The following NRG3 variants were observed in gnomAD, a reference collection of about 807,000 sequenced individuals.
The protein encoded by NRG3 is pro-neuregulin-3, membrane-bound isoform.
In NRG3, 31 loss-of-function variants were observed where a neutral mutation model predicts 66.9. That is an observed-to-expected ratio of 0.46 (90% CI 0.35 to 0.63). The LOEUF (loss-of-function observed/expected upper bound fraction) is 0.63. NRG3 is among the 20% of genes least tolerant of loss of function. NRG3 has a pLI of 0.00. For missense variants in NRG3, 910 were observed against 878.9 expected (o/e 1.04, Z -0.45); for synonymous variants, 393 against 359.4 (o/e 1.09, Z -1.06).
chr10:82,951,601 G>A (rs752844617), intron 5 of NRG3, 30 bp downstream of exon 5: 3 of 1,581,436 alleles, frequency 1.9e-6, no homozygotes, highest in South Asian at 1.1e-5. Flanking sequence ...GTGTTTAAAG[G>A]TTACTTTTAG....
At chr10:82,747,839 A>T (rs938293059) in intron 3 of NRG3, among the ~76,000 whole-genome samples, 1 of 151,844 alleles carries the variant, frequency 6.6e-6, no homozygotes, top group African/African-American at 2.4e-5. Context: ...GGTATTTTTT[A>T]AAAAGTAGTT....
chr10:82,747,066 T>C (rs2058676758), intron 3 of NRG3, among the ~76,000 whole-genome samples: 1 of 152,032 alleles, frequency 6.6e-6, no homozygotes, highest in Non-Finnish European at 1.5e-5. Context: ...CTGGGTGATG[T>C]AGTGAGACCT....
chr10:82,422,463 G>A (rs575360931), intron 2 of NRG3, among the ~76,000 whole-genome samples: 15 of 151,880 alleles, frequency 9.9e-5, no homozygotes, highest in Non-Finnish European at 2.2e-4. Context: ...CTTTATAATT[G>A]TAGTATCCTT....
At chr10:82,257,206 A>G (rs1208365622) in intron 1 of NRG3, among the ~76,000 whole-genome samples, 2 of 152,202 alleles carry the variant, frequency 1.3e-5, no homozygotes, top group African/African-American at 2.4e-5. Flanking sequence ...TCCAAAAACA[A>G]TTGCGTACCT....
At chr10:82,643,923 C>T (rs956257622) in intron 2 of NRG3, among the ~76,000 whole-genome samples, 6 of 144,760 alleles carry the variant, frequency 4.1e-5, no homozygotes, top group Non-Finnish European at 6.1e-5. Flanking sequence ...CACACACACA[C>T]GAGAATTTCC....
intron 4 of NRG3, among the ~76,000 whole-genome samples, chr10:82,891,206 T>C (rs911758046): frequency 2.8e-4 from 42 of 151,732 alleles, no homozygotes; most frequent in African/African-American, 9.9e-4. Context: ...GTTAAATCTA[T>C]AGATGAGTTT....
At chr10:82,822,961 G>T (rs548255238) in intron 3 of NRG3, among the ~76,000 whole-genome samples, 1 of 152,140 alleles carries the variant, frequency 6.6e-6, no homozygotes, top group Non-Finnish European at 1.5e-5. Flanking sequence ...GGCTGACTGC[G>T]GCTAACTAGG....
intron 4 of NRG3, among the ~76,000 whole-genome samples, chr10:82,915,308 G>A (rs1487590385): frequency 6.6e-6 from 1 of 152,122 alleles, no homozygotes. Flanking sequence ...CTTTTTGGGA[G>A]GATAACAGCA....
chr10:82,374,956 G>A (rs544205531), intron 2 of NRG3, among the ~76,000 whole-genome samples: 5 of 152,256 alleles, frequency 3.3e-5, no homozygotes, highest in South Asian at 2.1e-4. Flanking sequence ...GGGCACCTGC[G>A]ACACAACTTC....
At chr10:82,541,591 T>C (rs1238811406) in intron 2 of NRG3, among the ~76,000 whole-genome samples, 4 of 152,204 alleles carry the variant, frequency 2.6e-5, no homozygotes, top group Non-Finnish European at 5.9e-5. Context: ...TTCCATACAA[T>C]GTCTGGAATC....
intron 1 of NRG3, among the ~76,000 whole-genome samples, chr10:82,238,103 A>C (rs995240053): frequency 1.3e-5 from 2 of 152,174 alleles, no homozygotes; most frequent in Admixed American, 6.5e-5. Context: ...CATATCTCAG[A>C]ATGATATACA....
At chr10:82,127,639 G>A (rs1448732167) in intron 1 of NRG3, among the ~76,000 whole-genome samples, 2 of 152,040 alleles carry the variant, frequency 1.3e-5, no homozygotes, top group African/African-American at 2.4e-5. Flanking sequence ...CTGAGTGGAA[G>A]TGTGCCACCC....
chr10:81,978,002 C>T (rs117462601), intron 1 of NRG3, among the ~76,000 whole-genome samples: 5,787 of 152,198 alleles, frequency 0.038, 151 homozygotes, highest in Non-Finnish European at 0.06. Flanking sequence ...TTTTCGTCAT[C>T]TCAAACATTT....
At chr10:81,947,186 C>T (rs1589557229) in intron 1 of NRG3, among the ~76,000 whole-genome samples, 2 of 152,132 alleles carry the variant, frequency 1.3e-5, no homozygotes, top group African/African-American at 4.8e-5. Context: ...AGTATCCACC[C>T]TGAGTCTCTT....
At chr10:82,639,923 C>T (rs113236293) in intron 2 of NRG3, among the ~76,000 whole-genome samples, 1 of 152,114 alleles carries the variant, frequency 6.6e-6, no homozygotes, top group East Asian at 1.9e-4. Context: ...CCTCCTCCCA[C>T]CCTCCACCCT....
intron 2 of NRG3, among the ~76,000 whole-genome samples, chr10:82,555,408 T>C (rs929139485): frequency 6.6e-6 from 1 of 152,192 alleles, no homozygotes; most frequent in African/African-American, 2.4e-5. Context: ...CAACTCTGTC[T>C]AATAATCTTA....
At chr10:82,051,937 T>G (rs1198393274) in intron 1 of NRG3, among the ~76,000 whole-genome samples, 1 of 152,074 alleles carries the variant, frequency 6.6e-6, no homozygotes, top group Non-Finnish European at 1.5e-5. Context: ...CATTGTGAGT[T>G]GGCTTAGCAA....
At chr10:81,894,164 A>C (rs941184814) in intron 1 of NRG3, among the ~76,000 whole-genome samples, 5 of 152,110 alleles carry the variant, frequency 3.3e-5, no homozygotes, top group Non-Finnish European at 5.9e-5. Flanking sequence ...AACATGGCCA[A>C]ATCCCGTCTC....
intron 4 of NRG3, among the ~76,000 whole-genome samples, chr10:82,890,982 A>G (rs1371629269): frequency 6.6e-6 from 1 of 151,944 alleles, no homozygotes; most frequent in Admixed American, 6.6e-5. Context: ...TTATTTTCTT[A>G]TTGATTTCTT....
Sources: gnomAD v4.1 joint callset for allele counts (sites outside exome capture counted in the v4.1 genomes callset) on GRCh38, gnomAD v4.1.1 for gene constraint, MANE v1.5 for transcripts, NCBI Gene and HGNC (gene_info 2026-07-23, HGNC 2026-07-21) for gene names.